Variants in ZFHX3 observed in about 807,000 individuals in gnomAD.
ZFHX3 encodes zinc finger homeobox 3, also known as zinc finger homeobox protein 3.
ZFHX3 carries 42 observed loss-of-function variants against 279.1 expected under a neutral mutation model. That is an observed-to-expected ratio of 0.15 (90% CI 0.12 to 0.19). ZFHX3 has a LOEUF of 0.19. Ranked by LOEUF, ZFHX3 falls within the 10% of genes least tolerant of loss-of-function variation. The pLI is 1.00. For synonymous variants in ZFHX3, 2,293 were observed against 1,957.8 expected, an observed-to-expected ratio of 1.17 and a Z score of -4.52; for missense variants, 4,981 against 4,754.0, an observed-to-expected ratio of 1.05 and a Z score of -1.40.
At chr16:73,457,231 C>T (rs186654602) in intron 2 of ZFHX3, among the ~76,000 whole-genome samples, 1 of 152,236 alleles carries the variant, frequency 6.6e-6, no homozygotes, top group Admixed American at 6.5e-5. Context: ...TCTCTGGAAA[C>T]CATCCTGGTG....
At chr16:72,913,303 A>C (rs978367615) in intron 3 of ZFHX3, among the ~76,000 whole-genome samples, 1 of 152,208 alleles carries the variant, frequency 6.6e-6, no homozygotes, top group Non-Finnish European at 1.5e-5. Flanking sequence ...CAGGATCCAA[A>C]CCATGTCCCT....
At chr16:73,287,715 T>C (rs373898543) in intron 4 of ZFHX3, among the ~76,000 whole-genome samples, 448 of 148,016 alleles carry the variant, frequency 3.0e-3, no homozygotes, top group African/African-American at 0.01. Flanking sequence ...TGGGTCAGTG[T>C]GTGGCTGTGT....
intron 2 of ZFHX3, among the ~76,000 whole-genome samples, chr16:73,588,067 A>C (rs1376978315): frequency 6.6e-6 from 1 of 151,636 alleles, no homozygotes; most frequent in Non-Finnish European, 1.5e-5. Context: ...CTCTGAATAC[A>C]TGCAGTTAAA....
intron 1 of ZFHX3, among the ~76,000 whole-genome samples, chr16:73,751,849 A>T (rs2142270855): frequency 6.6e-6 from 1 of 152,264 alleles, no homozygotes; most frequent in Admixed American, 6.5e-5. Flanking sequence ...GCATTCCTAT[A>T]GTCACTACCT....
At chr16:73,075,099 C>T (rs775483406) in intron 8 of ZFHX3, among the ~76,000 whole-genome samples, 5 of 152,154 alleles carry the variant, frequency 3.3e-5, no homozygotes, top group Non-Finnish European at 7.3e-5. Context: ...TGAGCTAGTG[C>T]ACTCGGCCTT....
chr16:73,554,638 G>C (rs1291309997), intron 2 of ZFHX3: 1 of 152,110 alleles, frequency 6.6e-6, no homozygotes, highest in Non-Finnish European at 1.5e-5. Context: ...GCTAATTTCT[G>C]GCTTTCACAG....
At chr16:73,664,513 T>G (rs556314900) in intron 2 of ZFHX3, among the ~76,000 whole-genome samples, 2 of 152,330 alleles carry the variant, frequency 1.3e-5, no homozygotes, top group African/African-American at 4.8e-5. Context: ...TGATTGCAAG[T>G]GATTTAAAAA....
chr16:73,640,374 C>T (rs1367062311), intron 2 of ZFHX3, among the ~76,000 whole-genome samples: 8 of 151,818 alleles, frequency 5.3e-5, no homozygotes, highest in East Asian at 1.9e-4. Context: ...AGTCAAATAA[C>T]GGAAGATATT....
chr16:73,169,835 T>A (rs1469400491), intron 5 of ZFHX3, among the ~76,000 whole-genome samples: 1 of 152,140 alleles, frequency 6.6e-6, no homozygotes. Flanking sequence ...AGGTCTTAGA[T>A]CAAAGCTGTT....
At chr16:73,148,589 T>C (rs146017383) in intron 5 of ZFHX3, among the ~76,000 whole-genome samples, 2,850 of 141,938 alleles carry the variant, frequency 0.02, 126 homozygotes, top group African/African-American at 0.069. Flanking sequence ...TTTTTTACTA[T>C]TATCTGTGTG....
At chr16:73,180,902 A>T (rs376063812) in intron 5 of ZFHX3, among the ~76,000 whole-genome samples, 7 of 152,054 alleles carry the variant, frequency 4.6e-5, no homozygotes, top group Admixed American at 3.3e-4. Flanking sequence ...GCCTCAAATG[A>T]TCCACCCGCC....
intron 3 of ZFHX3, among the ~76,000 whole-genome samples, chr16:73,382,120 A>G (rs2016827507): frequency 6.6e-6 from 1 of 152,238 alleles, no homozygotes; most frequent in African/African-American, 2.4e-5. Context: ...CTGACCAAAT[A>G]CAGAAATAAA....
At chr16:73,626,261 C>G (rs12449080) in intron 2 of ZFHX3, among the ~76,000 whole-genome samples, 93,763 of 151,928 alleles carry the variant, frequency 0.62, 29,884 homozygotes, top group East Asian at 0.82. Flanking sequence ...GGACCTCTCT[C>G]TATCTTCCAT....
chr16:73,242,222 A>T (rs144735574), intron 5 of ZFHX3, among the ~76,000 whole-genome samples: 23 of 152,276 alleles, frequency 1.5e-4, no homozygotes, highest in African/African-American at 4.6e-4. Flanking sequence ...CACAAGTATC[A>T]CAAAGGTAGT....
chr16:73,762,834 CAG>C (rs1209551132), intron 1 of ZFHX3, among the ~76,000 whole-genome samples: 2 of 151,920 alleles, frequency 1.3e-5, no homozygotes, highest in African/African-American at 4.8e-5. Flanking sequence ...TGGAGTGGAG[CAG>C]AGAGAGGGAG....
chr16:73,686,326 C>T (rs1047559805), intron 1 of ZFHX3, among the ~76,000 whole-genome samples: 4 of 152,152 alleles, frequency 2.6e-5, no homozygotes, highest in African/African-American at 9.7e-5. Flanking sequence ...GAATTCCAGA[C>T]CTCGTGATCC....
At chr16:72,967,024 C>T (rs1961874450) in intron 1 of ZFHX3, among the ~76,000 whole-genome samples, 1 of 152,122 alleles carries the variant, frequency 6.6e-6, no homozygotes, top group African/African-American at 2.4e-5. Flanking sequence ...CTTGTCTGTC[C>T]CCACCACAAG....
intron 5 of ZFHX3, among the ~76,000 whole-genome samples, chr16:73,188,538 G>A (rs1356919356): frequency 6.6e-6 from 1 of 152,170 alleles, no homozygotes; most frequent in East Asian, 1.9e-4. Context: ...TCTCTAGTGG[G>A]GAAACAGGGA....
intron 2 of ZFHX3, among the ~76,000 whole-genome samples, chr16:73,607,728 A>G (rs13330628): frequency 0.022 from 3,325 of 152,278 alleles, 134 homozygotes; most frequent in African/African-American, 0.076. Flanking sequence ...TTAACTGGCA[A>G]TCATCACAAA....
Sources: allele counts gnomAD v4.1 joint callset (sites outside exome capture counted in the v4.1 genomes callset), GRCh38; gene constraint gnomAD v4.1.1; transcripts MANE v1.5; gene names NCBI Gene and HGNC (gene_info 2026-07-23, HGNC 2026-07-21).